The following PCDH11X variants were observed in gnomAD, a reference collection of about 807,000 sequenced individuals.
PCDH11X encodes the protein protocadherin-11 X-linked.
In PCDH11X, 18 loss-of-function variants were observed where a neutral mutation model predicts 53.3. That is an observed-to-expected ratio of 0.34 (90% CI 0.23 to 0.50). PCDH11X has a LOEUF of 0.50. Ranked by LOEUF, PCDH11X falls within the 20% of genes least tolerant of loss-of-function variation. The pLI, the probability that PCDH11X is intolerant of heterozygous loss-of-function variation, is 0.98. For synonymous variants in PCDH11X, 279 were observed against 393.3 expected (o/e 0.71, Z 3.44); for missense variants, 570 against 1,032.4 (o/e 0.55, Z 6.14).
intron 10 of PCDH11X, among the ~76,000 whole-genome samples, chrX:92,501,831 C>T (rs1413378187): frequency 1.8e-5 from 2 of 111,109 alleles, no homozygotes; most frequent in East Asian, 5.7e-4. Flanking sequence ...TGCCCTGTCA[C>T]CACTTCTATT....
At chrX:92,428,905 A>G (rs1338290481) in intron 9 of PCDH11X, among the ~76,000 whole-genome samples, 3 of 111,303 alleles carry the variant, frequency 2.7e-5, no homozygotes, top group Non-Finnish European at 5.7e-5. Flanking sequence ...AGAGGGGATA[A>G]CACTTCATAG....
chrX:92,253,125 A>AAT (rs1417501800), intron 7 of PCDH11X, among the ~76,000 whole-genome samples: 1 of 111,946 alleles, frequency 8.9e-6, no homozygotes, highest in African/African-American at 3.2e-5. Context: ...ACTCTTGGGT[A>AAT]ATAGATCTTT....
intron 5 of PCDH11X, among the ~76,000 whole-genome samples, chrX:91,859,448 C>T (rs976450864): frequency 3.0e-4 from 33 of 109,589 alleles, no homozygotes; most frequent in Middle Eastern, 4.7e-3. Flanking sequence ...TTTTGTTGTG[C>T]AGAAGCTCTT....
chrX:91,949,154 A>G (rs187988837), intron 6 of PCDH11X, among the ~76,000 whole-genome samples: 1,532 of 110,634 alleles, frequency 0.014, 19 homozygotes, highest in Middle Eastern at 0.037. Flanking sequence ...TGGGTCTGTC[A>G]TATTGAAGAC....
chrX:91,961,059 T>C (rs1428378747), intron 6 of PCDH11X, among the ~76,000 whole-genome samples: 26 of 88,415 alleles, frequency 2.9e-4, no homozygotes, highest in African/African-American at 1.1e-3. Flanking sequence ...CCAATATCCT[T>C]GATGAACACA....
intron 10 of PCDH11X, among the ~76,000 whole-genome samples, chrX:92,553,905 C>A (rs1040014337): frequency 9.0e-6 from 1 of 111,167 alleles, no homozygotes; most frequent in African/African-American, 3.3e-5. Context: ...GCAGAAGTGA[C>A]AAAAATTCAG....
intron 10 of PCDH11X, among the ~76,000 whole-genome samples, chrX:92,570,981 G>C (rs1289599262): frequency 4.5e-5 from 5 of 111,777 alleles, no homozygotes; most frequent in African/African-American, 1.6e-4. Context: ...TTAAAAAATT[G>C]ACATTTTTAA....
chrX:92,245,321 T>C lies in PCDH11X; in HGVS notation c.3115-17793T>C, dbSNP rs1041832850. Among the ~76,000 whole-genome samples, 22 of 112,302 alleles carry C rather than the reference T, an allele frequency of 2.0e-4. No individual in the cohort carries two copies. In the Admixed American group the frequency reaches 2.0e-3, roughly 10 times the overall value. On this transcript the variant is annotated intron_variant, in intron 7 of 10. Coordinates refer to ENST00000682573, the MANE Select transcript of PCDH11X (RefSeq NM_032968.5). Reference sequence around the variant, plus strand: ...GTATTATGGAAATCTGGCAGCATGATAGATATTGGAATTGAGCTGTGGTAA... The same window carrying C: ...GTATTATGGAAATCTGGCAGCATGACAGATATTGGAATTGAGCTGTGGTAA...
intron 1 of PCDH11X, chrX:91,798,005 C>A (rs771674061): frequency 2.3e-4 from 26 of 111,076 alleles, no homozygotes; most frequent in African/African-American, 8.2e-4. Context: ...TAGAAATTTG[C>A]CCAACTAGAC....
At chrX:92,249,485 A>C (rs1438933655) in intron 7 of PCDH11X, among the ~76,000 whole-genome samples, 4 of 112,520 alleles carry the variant, frequency 3.6e-5, no homozygotes, top group Non-Finnish European at 7.5e-5. Flanking sequence ...ACTGACATGC[A>C]ATCTTTTCAG....
intron 7 of PCDH11X, among the ~76,000 whole-genome samples, chrX:92,256,816 G>T (rs1176364576): frequency 9.0e-6 from 1 of 110,601 alleles, no homozygotes; most frequent in Non-Finnish European, 1.9e-5. Context: ...GTGGTATTTG[G>T]TTTTCTGCTT....
At chrX:92,001,472 C>CTTT (rs57766143) in intron 6 of PCDH11X, among the ~76,000 whole-genome samples, 9 of 91,806 alleles carry the variant, frequency 9.8e-5, no homozygotes, top group African/African-American at 2.0e-4. Flanking sequence ...TTTTTTCTTT[C>CTTT]TTTTTTTTTT....
intron 1 of PCDH11X, among the ~76,000 whole-genome samples, chrX:91,807,479 GGAGAGAGA>G (rs375018462): frequency 9.2e-6 from 1 of 108,764 alleles, no homozygotes; most frequent in Non-Finnish European, 1.9e-5. Flanking sequence ...TCTGTGAGGG[GGAGAGAGA>G]GAGAGAGAGA....
chrX:92,065,579 G>A (rs1461676944), intron 6 of PCDH11X, among the ~76,000 whole-genome samples: 1 of 111,866 alleles, frequency 8.9e-6, no homozygotes, highest in Non-Finnish European at 1.9e-5. Context: ...ATGTCTCATT[G>A]TAGTTTTGAT....
chrX:92,201,584 G>A (rs2066393271), intron 7 of PCDH11X, 129 bp downstream of exon 7: 3 of 388,030 alleles, frequency 7.7e-6, no homozygotes, highest in Non-Finnish European at 8.8e-6. Context: ...ATTTTGTGCT[G>A]GACTCAAAAT....
At chrX:91,907,407 A>ACC (rs1167927831) in intron 6 of PCDH11X, among the ~76,000 whole-genome samples, 8,244 of 67,641 alleles carry the variant, frequency 0.12, 460 homozygotes, top group East Asian at 0.18. Flanking sequence ...ACACACACAC[A>ACC]CACACAGAGA....
rs528558300 is a variant in PCDH11X, at chrX:91,902,047, A to G, written c.3033+22774A>G. Among the ~76,000 whole-genome samples, 146 of 111,683 alleles carry G rather than the reference A, an allele frequency of 1.3e-3. 3 individuals are homozygous for G. The South Asian group carries it at 0.055, about 42-fold the overall frequency. The stretch of plus-strand genomic sequence containing the variant: ...AAACATATGTCATATTTTTGGAGCA[A>G]TGTTTTCAGCTACTGTTGAGACACA... On this transcript the variant is annotated intron_variant, in intron 6 of 10. Transcript: ENST00000682573.
chrX:92,354,288 A>C (rs1389893025), intron 8 of PCDH11X, among the ~76,000 whole-genome samples: 3 of 103,329 alleles, frequency 2.9e-5, no homozygotes, highest in Admixed American at 2.2e-4. Flanking sequence ...TTGCCCTACA[A>C]CTGAAACGAT....
chrX:92,099,312 TGTGA>T (rs1472525410), intron 6 of PCDH11X, among the ~76,000 whole-genome samples: 3 of 108,291 alleles, frequency 2.8e-5, no homozygotes, highest in East Asian at 5.8e-4. Flanking sequence ...TGTCAGAAAC[TGTGA>T]GAGAGAAATT....
Sources: gnomAD v4.1 joint callset for allele counts (sites outside exome capture counted in the v4.1 genomes callset) on GRCh38, gnomAD v4.1.1 for gene constraint, MANE v1.5 for transcripts, NCBI Gene and HGNC (gene_info 2026-07-23, HGNC 2026-07-21) for gene names.